MAGI2: variants seen among roughly 807,000 people sequenced by gnomAD.
The protein encoded by MAGI2 is membrane-associated guanylate kinase, WW and PDZ domain-containing protein 2.
Under a neutral mutation model 133.3 loss-of-function variants are expected in MAGI2, and 35 were observed. The ratio of observed to expected loss-of-function variants is 0.26; its 90% CI spans 0.20 to 0.35. MAGI2 has a LOEUF of 0.35. Among genes scored for constraint, MAGI2 ranks in the 10% least tolerant of loss-of-function variants. MAGI2 has a pLI of 1.00. For synonymous variants in MAGI2, 729 were observed against 710.6 expected (o/e 1.03, Z -0.41); for missense variants, 1,636 against 1,863.4 (o/e 0.88, Z 2.25).
intron 2 of MAGI2, among the ~76,000 whole-genome samples, chr7:78,897,618 C>A (rs767024610): frequency 8.5e-5 from 13 of 152,140 alleles, no homozygotes; most frequent in Admixed American, 2.0e-4. Context: ...ATCTGGGCTA[C>A]TTTTTGGTTC....
intron 2 of MAGI2, among the ~76,000 whole-genome samples, chr7:78,736,714 T>C (rs1247666167): frequency 5.3e-5 from 8 of 152,206 alleles, no homozygotes; most frequent in East Asian, 3.9e-4. Context: ...TGGTACCTTA[T>C]CACAAATCAA....
chr7:78,439,319 C>G (rs1460093798), intron 6 of MAGI2, among the ~76,000 whole-genome samples: 1 of 152,170 alleles, frequency 6.6e-6, no homozygotes, highest in East Asian at 1.9e-4. Flanking sequence ...TCCTGGTTTT[C>G]AAGGAACTTA....
intron 6 of MAGI2, among the ~76,000 whole-genome samples, chr7:78,406,463 C>T (rs1415865712): frequency 6.6e-6 from 1 of 151,962 alleles, no homozygotes; most frequent in African/African-American, 2.4e-5. Flanking sequence ...ACTAACAAAA[C>T]ATAGCACAGT....
intron 7 of MAGI2, among the ~76,000 whole-genome samples, chr7:78,365,548 A>G (rs1388332105): frequency 6.6e-6 from 1 of 152,132 alleles, no homozygotes; most frequent in East Asian, 1.9e-4. Context: ...ACTTAAGACA[A>G]TTTAGCTCAT....
intron 2 of MAGI2, among the ~76,000 whole-genome samples, chr7:78,860,638 G>A (rs993870291): frequency 2.0e-5 from 3 of 152,124 alleles, no homozygotes; most frequent in Admixed American, 2.0e-4. Context: ...GGCTGTATGA[G>A]GTGTCATTCG....
At chr7:78,158,461 C>T (rs1824618645) in intron 16 of MAGI2, 1 of 152,098 alleles carries the variant, frequency 6.6e-6, no homozygotes, top group Non-Finnish European at 1.5e-5. Flanking sequence ...ATCATAGAAC[C>T]TTAGAGCTGG....
chr7:78,094,682 G>T (rs1817542874), intron 20 of MAGI2, among the ~76,000 whole-genome samples: 1 of 152,180 alleles, frequency 6.6e-6, no homozygotes, highest in African/African-American at 2.4e-5. Context: ...TGAACTGTCT[G>T]TAGTCACTGA....
At chr7:78,137,263 G>A (rs1227596366) in intron 16 of MAGI2, among the ~76,000 whole-genome samples, 5 of 152,104 alleles carry the variant, frequency 3.3e-5, no homozygotes, top group Admixed American at 3.3e-4. Flanking sequence ...ATTGTTATCT[G>A]TCCCGTGACC....
rs974810173 is a variant in MAGI2, at chr7:78,112,226, T to G, written c.3567+13468A>C. Among the ~76,000 whole-genome samples, 13 of 152,250 alleles carry G rather than the reference T, an allele frequency of 8.5e-5. No individual in the cohort carries two copies. In the East Asian group the frequency reaches 2.5e-3, roughly 29 times the overall value. ...TTTGTAACTTTTATTCTGTCATGTTTTGCATACCCAGTGCTTTTGAAGTTC... is the reference window on the plus strand; with the variant it reads ...TTTGTAACTTTTATTCTGTCATGTTGTGCATACCCAGTGCTTTTGAAGTTC... On this transcript the variant is annotated intron_variant, in intron 20 of 21. Transcript: ENST00000354212.
chr7:78,502,636 A>G (rs1278660133), intron 4 of MAGI2, among the ~76,000 whole-genome samples: 1 of 152,218 alleles, frequency 6.6e-6, no homozygotes, highest in Non-Finnish European at 1.5e-5. Context: ...ATTAAATTTT[A>G]TCATAGTTTT....
At chr7:78,059,103 T>C (rs1206622623) in intron 21 of MAGI2, among the ~76,000 whole-genome samples, 1 of 152,206 alleles carries the variant, frequency 6.6e-6, no homozygotes, top group Non-Finnish European at 1.5e-5. Flanking sequence ...CTTAATAGCT[T>C]ATCTGATCTA....
intron 14 of MAGI2, among the ~76,000 whole-genome samples, chr7:78,175,708 C>T (rs958974914): frequency 8.5e-5 from 13 of 152,080 alleles, no homozygotes; most frequent in South Asian, 6.2e-4. Flanking sequence ...TTTCAGCAGA[C>T]GCCAGGAGTC....
chr7:78,122,116 G>A (rs956461579), intron 20 of MAGI2, among the ~76,000 whole-genome samples: 21 of 152,294 alleles, frequency 1.4e-4, no homozygotes, highest in African/African-American at 4.3e-4. Flanking sequence ...TATTTAGGAA[G>A]GTGGTTCCCT....
At chr7:78,035,387 C>T (rs1810099746) in intron 21 of MAGI2, among the ~76,000 whole-genome samples, 1 of 136,610 alleles carries the variant, frequency 7.3e-6, no homozygotes, top group Non-Finnish European at 1.6e-5. Flanking sequence ...CCCAAGAGAG[C>T]CTCAGGGCTC....
chr7:78,921,864 C>T (rs1358406637), intron 2 of MAGI2, among the ~76,000 whole-genome samples: 1 of 152,094 alleles, frequency 6.6e-6, no homozygotes, highest in Non-Finnish European at 1.5e-5. Context: ...AACTAGTGAC[C>T]TCAGGTGATC....
At position 79,011,647 on chromosome 7, in the gene MAGI2, G is replaced by A. The variant is rs1040668474; in HGVS notation, c.302-4441C>T. On this transcript the variant is annotated intron_variant, in intron 1 of 21. Coordinates refer to ENST00000354212, the MANE Select transcript of MAGI2 (RefSeq NM_012301.4). ...GGGGTTAAATAGAGAGGGGAAAGGT[G>A]GGGATGACCACCAGGGTTTGGCTCA... Among the ~76,000 whole-genome samples the A allele has an allele frequency of 2.0e-5, 3 of 152,140 alleles. No individual in the cohort carries two copies. In the South Asian group the frequency reaches 6.2e-4, roughly 32 times the overall value.
intron 17 of MAGI2, among the ~76,000 whole-genome samples, chr7:78,133,391 G>A (rs1477468318): frequency 1.3e-5 from 2 of 152,112 alleles, no homozygotes; most frequent in African/African-American, 2.4e-5. Flanking sequence ...TTGCAGCATC[G>A]CTTGCTGAGA....
At chr7:79,274,141 G>C (rs988767988) in intron 1 of MAGI2, among the ~76,000 whole-genome samples, 1 of 152,012 alleles carries the variant, frequency 6.6e-6, no homozygotes, top group Admixed American at 6.6e-5. Context: ...TTAAATATAA[G>C]TATGTCCCAT....
At chr7:79,171,743 A>ATATATATAT (rs1554394140) in intron 1 of MAGI2, among the ~76,000 whole-genome samples, 337 of 29,320 alleles carry the variant, frequency 0.011, 80 homozygotes, top group Non-Finnish European at 0.015. Context: ...AATAGCCAAA[A>ATATATATAT]ATATATATAT....
Sources: allele counts gnomAD v4.1 joint callset (sites outside exome capture counted in the v4.1 genomes callset), GRCh38; gene constraint gnomAD v4.1.1; transcripts MANE v1.5; gene names NCBI Gene and HGNC (gene_info 2026-07-23, HGNC 2026-07-21).